Variants in MCMDC2 observed in about 807,000 individuals in gnomAD.
MCMDC2 encodes the protein minichromosome maintenance domain-containing protein 2.
A neutral mutation model predicts 75.8 loss-of-function variants in MCMDC2; 54 were observed. The ratio of observed to expected loss-of-function variants is 0.71; its 90% CI spans 0.57 to 0.89. The LOEUF (loss-of-function observed/expected upper bound fraction) is 0.89. MCMDC2 is among the 40% of genes least tolerant of loss of function. The probability of loss-of-function intolerance (pLI) is 0.00; values close to 1 mark genes in which losing one functional copy is unlikely to be tolerated. For synonymous variants in MCMDC2, 249 were observed against 274.6 expected, an observed-to-expected ratio of 0.91 and a Z score of 0.92; for missense variants, 656 against 780.4, an observed-to-expected ratio of 0.84 and a Z score of 1.90.
chr8:66,873,340 G>A lies in MCMDC2; in HGVS notation c.-88-713G>A, dbSNP rs368848594. Among the ~76,000 whole-genome samples, 4 of 152,276 alleles carry A rather than the reference G, an allele frequency of 2.6e-5. No individual in the cohort carries two copies. In the East Asian group the frequency reaches 5.8e-4, roughly 22 times the overall value. On this transcript the variant is annotated intron_variant, in intron 1 of 14. Coordinates refer to ENST00000422365, the MANE Select transcript of MCMDC2 (RefSeq NM_173518.5). Reference sequence around the variant, plus strand: ...CAGATGATTTCCCCATAGCAACCAGGAAATGCTGGGTCTAGAACCAAGTTC... The same window carrying A: ...CAGATGATTTCCCCATAGCAACCAGAAAATGCTGGGTCTAGAACCAAGTTC...
rs1189157583 is a variant in MCMDC2, at chr8:66,910,399, G to A, written c.1879+5064G>A. On this transcript the variant is annotated intron_variant, in intron 14 of 14. Transcript: ENST00000422365. ...CAGCCTGTGAAAGCAGTGGGGAGAG[G>A]GGCTGTGCCCTACAAAGCCACGGGG... Among the ~76,000 whole-genome samples, 3 of 152,328 alleles carry A rather than the reference G, an allele frequency of 2.0e-5. No homozygotes were observed. The East Asian group carries it at 5.8e-4, about 29-fold the overall frequency.
chr8:66,901,333 C>G lies in MCMDC2; in HGVS notation c.1754C>G (p.Ser585Cys), dbSNP rs780486723. The change falls in exon 13 of 15, where the codon TCT becomes TGT. Residue 585 changes from serine to cysteine, a missense_variant. Transcript: ENST00000422365. ...GSVCGSKLSASALKYLVFLSE... is the reference protein window; with the variant it reads ...GSVCGSKLSACALKYLVFLSE... Reference sequence around the variant, plus strand: ...GTATGTGGATCAAAGCTGTCAGCATCTGCATTAAAATATCTGTAGGTATTC... The same window carrying G: ...GTATGTGGATCAAAGCTGTCAGCATGTGCATTAAAATATCTGTAGGTATTC... 21 of 1,610,486 alleles carry G rather than the reference C, an allele frequency of 1.3e-5. No homozygotes were observed. Among genetic ancestry groups the G allele is most frequent in the Non-Finnish European group, 1.6e-5 (19 of 1,178,878 alleles).
chr8:66,896,058 T>C, intron 10 of MCMDC2, 112 bp from the exon 11 acceptor site: 1 of 932,872 alleles, frequency 1.1e-6, no homozygotes, highest in South Asian at 1.8e-5. Context: ...TTACTTTCTT[T>C]CACTATCCAA....
chr8:66,884,934 A>C (rs1476665949), intron 9 of MCMDC2, among the ~76,000 whole-genome samples: 1 of 151,866 alleles, frequency 6.6e-6, no homozygotes, highest in African/African-American at 2.4e-5. Context: ...ACGCCACTAC[A>C]CTGGGCTAAT....
At chr8:66,879,791 A>G (rs1563369527) in intron 7 of MCMDC2, among the ~76,000 whole-genome samples, 1 of 152,220 alleles carries the variant, frequency 6.6e-6, no homozygotes, top group Non-Finnish European at 1.5e-5. Flanking sequence ...GCACTGAGCT[A>G]AGTCCCAGGG....
chr8:66,875,277 T>C (rs62513065), intron 4 of MCMDC2, among the ~76,000 whole-genome samples: 7,166 of 152,140 alleles, frequency 0.047, 259 homozygotes, highest in Non-Finnish European at 0.076. Context: ...ATTATGGACA[T>C]TTTTCTTCTT....
chr8:66,876,453 T>G (rs1811286014), intron 4 of MCMDC2, among the ~76,000 whole-genome samples: 1 of 152,148 alleles, frequency 6.6e-6, no homozygotes, highest in Non-Finnish European at 1.5e-5. Flanking sequence ...TATGGTATGT[T>G]TCAGTGAATC....
At chr8:66,893,865 TG>T (rs35512954) in intron 10 of MCMDC2, among the ~76,000 whole-genome samples, 75,410 of 152,006 alleles carry the variant, frequency 0.5, 21,242 homozygotes, top group African/African-American at 0.78. Context: ...CAACTGCACT[TG>T]GTTCCACACT....
chr8:66,879,223 A>G (rs1811443264), intron 7 of MCMDC2, among the ~76,000 whole-genome samples: 1 of 152,314 alleles, frequency 6.6e-6, no homozygotes, highest in Non-Finnish European at 1.5e-5. Context: ...GTGAGCCATG[A>G]TGGTGCCACT....
At chr8:66,903,297 G>A (rs1310675974) in intron 13 of MCMDC2, among the ~76,000 whole-genome samples, 3 of 151,918 alleles carry the variant, frequency 2.0e-5, no homozygotes, top group Non-Finnish European at 4.4e-5. Context: ...ATACAGTTGG[G>A]GAAATTAACT....
At chr8:66,904,453 ATAGT>A (rs1300793518) in intron 13 of MCMDC2, among the ~76,000 whole-genome samples, 41 of 152,310 alleles carry the variant, frequency 2.7e-4, no homozygotes, top group African/African-American at 8.9e-4. Flanking sequence ...AATCTTGGTT[ATAGT>A]TAGTTATGGT....
chr8:66,914,263 A>G (rs1386071143), intron 14 of MCMDC2, among the ~76,000 whole-genome samples: 1 of 148,640 alleles, frequency 6.7e-6, no homozygotes, highest in Non-Finnish European at 1.5e-5. Context: ...AGCCTGGGCA[A>G]CAGAGTAAGA....
Position 66,877,255 on chromosome 8 carries a change from TACTTG to T in MCMDC2, c.286-89_286-85del. The T allele has an allele frequency of 4.0e-6, 3 of 743,014 alleles. No homozygotes were observed. In the South Asian group the frequency reaches 6.4e-5, roughly 16 times the overall value. 46.0% of individuals were successfully genotyped at this position (743,014 alleles called of 1,614,324 possible). A position where few individuals can be genotyped will look rare whatever the true frequency, so the allele number is the denominator to read the frequency against. ...GTTCCTAAGAACAATAACATATCATTACTTGACTTTCTTTATAATATACTTACTAT... is the reference window on the plus strand; with the variant it reads ...GTTCCTAAGAACAATAACATATCATTACTTTCTTTATAATATACTTACTAT... On this transcript the variant is annotated intron_variant, in intron 4 of 14. Transcript: ENST00000422365.
Position 66,878,565 on chromosome 8 carries a change from T to G in MCMDC2, c.482-9T>G. The G allele has an allele frequency of 1.3e-6, 2 of 1,568,838 alleles. No homozygotes were observed. The highest frequency in any genetic ancestry group is 1.7e-6 in the Non-Finnish European group (2 of 1,162,556). On this transcript the variant is annotated splice_polypyrimidine_tract_variant and intron_variant, in intron 5 of 14. Coordinates refer to ENST00000422365, the MANE Select transcript of MCMDC2 (RefSeq NM_173518.5). ...AAAGCAAATGTATGTTACCACTGTTTTCTTTCAGGATTTCAGTATATAAGA... is the reference window on the plus strand; with the variant it reads ...AAAGCAAATGTATGTTACCACTGTTGTCTTTCAGGATTTCAGTATATAAGA...
At position 66,919,102 on chromosome 8, in the gene MCMDC2, A is replaced by G. The variant is rs1307520494; in HGVS notation, c.1979A>G (p.Gln660Arg). 6.4e-7 allele frequency: 1 copy of G among 1,550,872 alleles called. No individual in the cohort carries two copies. Reference protein sequence around the residue: ...EQRDLYLTQCQQQLEQFIATY... With the variant: ...EQRDLYLTQCRQQLEQFIATY... ...AGGGATCTCTATCTGACTCAGTGCC[A>G]ACAACAGCTGGAACAATTTATTGCC... The change falls in exon 15 of 15, where the codon CAA (glutamine) becomes CGA (arginine). Residue 660 changes from glutamine to arginine, a missense_variant. By Grantham distance (43) the Gln-to-Arg change is conservative. Transcript: ENST00000422365.
intron 13 of MCMDC2, among the ~76,000 whole-genome samples, chr8:66,902,780 T>A (rs763696468): frequency 6.9e-6 from 1 of 144,324 alleles, no homozygotes. Flanking sequence ...ACTATGTGAG[T>A]TCAAATACAA....
Position 66,896,198 on chromosome 8 carries a change from C to T in MCMDC2, c.1308C>T (p.Tyr436=), listed in dbSNP as rs1381137104. ...TGGAGAGCAGAAGCATCACAGTGTA[C>T]ATCCCAGGAAAGAAGTTTGGGGAGG... is the stretch of plus-strand genomic sequence containing the variant. ...TVLESRSITV[Y]IPGKKFGEDI... is the part of the protein sequence containing the mutation. Residue 436 remains tyrosine, a synonymous_variant, in exon 11 of 15, where the codon TAC becomes TAT. Coordinates refer to ENST00000422365, the MANE Select transcript of MCMDC2 (RefSeq NM_173518.5). 6 of 1,611,010 alleles carry T rather than the reference C, an allele frequency of 3.7e-6. No homozygotes were observed. The highest frequency in any genetic ancestry group is 2.5e-6 in the Non-Finnish European group (3 of 1,179,554).
At chr8:66,899,151 G>A (rs1020363129) in intron 12 of MCMDC2, among the ~76,000 whole-genome samples, 2 of 152,240 alleles carry the variant, frequency 1.3e-5, no homozygotes, top group African/African-American at 2.4e-5. Flanking sequence ...CTGAGATGGA[G>A]TTTAGTGTGC....
At position 66,900,493 on chromosome 8, in the gene MCMDC2, A is replaced by G. The variant is rs186400486; in HGVS notation, c.1627-713A>G. ...TTATAGTTAATAGCAACCTTTCTCC[A>G]GGTGTAGGTAGTGTCAGAAAAAAAA... On this transcript the variant is annotated intron_variant, in intron 12 of 14. Coordinates refer to ENST00000422365, the MANE Select transcript of MCMDC2 (RefSeq NM_173518.5). 2.0e-3 allele frequency among the ~76,000 whole-genome samples: 306 copies of G among 152,154 alleles called. 2 individuals are homozygous for G. The highest frequency in any genetic ancestry group is 3.4e-3 in the Middle Eastern group (1 of 292).
Sources: gnomAD v4.1 joint callset for allele counts (sites outside exome capture counted in the v4.1 genomes callset) on GRCh38, gnomAD v4.1.1 for gene constraint, MANE v1.5 for transcripts, NCBI Gene and HGNC (gene_info 2026-07-23, HGNC 2026-07-21) for gene names.